The following CDH13 variants were observed in gnomAD, a reference collection of about 807,000 sequenced individuals.
CDH13 encodes cadherin-13.
Under a neutral mutation model 63.8 loss-of-function variants are expected in CDH13, and 24 were observed. That is an observed-to-expected ratio of 0.38 (90% CI 0.27 to 0.53). CDH13 has a LOEUF of 0.53. Ranked by LOEUF, CDH13 falls within the 20% of genes least tolerant of loss-of-function variation. The pLI is 0.85. For synonymous variants in CDH13, 503 were observed against 355.3 expected, an observed-to-expected ratio of 1.42 and a Z score of -4.67; for missense variants, 1,049 against 903.1, an observed-to-expected ratio of 1.16 and a Z score of -2.07.
At chr16:82,738,065 C>T (rs1336961431) in intron 1 of CDH13, among the ~76,000 whole-genome samples, 2 of 152,168 alleles carry the variant, frequency 1.3e-5, no homozygotes, top group Non-Finnish European at 2.9e-5. Flanking sequence ...TACAGCAGAC[C>T]TCTAGAGCTT....
chr16:83,508,747 C>T (rs887782430), intron 7 of CDH13, among the ~76,000 whole-genome samples: 1 of 152,196 alleles, frequency 6.6e-6, no homozygotes, highest in African/African-American at 2.4e-5. Context: ...CTTTCTCCCT[C>T]ACTTGTGCTT....
rs1481951343 is a variant in CDH13 at position 83,084,484 on chromosome 16, TC to T, written c.367-40899del. Among the ~76,000 whole-genome samples, 3 of 152,334 alleles carry T rather than the reference TC, an allele frequency of 2.0e-5. No individual in the cohort carries two copies. The East Asian group carries it at 5.8e-4, about 29-fold the overall frequency. On this transcript the variant is annotated intron_variant, in intron 3 of 13. Coordinates refer to ENST00000567109, the MANE Select transcript of CDH13 (RefSeq NM_001257.5). ...ATCACCTGTCTCTCGAAAACAGTTG[TC>T]CTTTGAACTTTCAAGATTATGGGGA...
intron 5 of CDH13, among the ~76,000 whole-genome samples, chr16:83,234,249 T>G (rs2040083884): frequency 6.6e-6 from 1 of 152,194 alleles, no homozygotes; most frequent in Non-Finnish European, 1.5e-5. Flanking sequence ...AAATGTTACC[T>G]AGGTGCTTTG....
intron 1 of CDH13, among the ~76,000 whole-genome samples, chr16:82,853,967 C>T (rs2039591279): frequency 1.3e-5 from 2 of 152,142 alleles, no homozygotes; most frequent in Non-Finnish European, 2.9e-5. Flanking sequence ...GAGTAATGTC[C>T]AAGTTCTAAT....
At chr16:83,113,091 G>A (rs186634601) in intron 3 of CDH13, among the ~76,000 whole-genome samples, 168 of 152,294 alleles carry the variant, frequency 1.1e-3, no homozygotes, top group Admixed American at 1.9e-3. Context: ...AAAAAGGGAG[G>A]ACTTCCATGC....
At chr16:83,754,991 A>C (rs1913389408) in intron 11 of CDH13, among the ~76,000 whole-genome samples, 1 of 152,176 alleles carries the variant, frequency 6.6e-6, no homozygotes, top group Non-Finnish European at 1.5e-5. Flanking sequence ...AGAAGCAAGA[A>C]TGTGTAAGTG....
intron 6 of CDH13, among the ~76,000 whole-genome samples, chr16:83,448,179 A>G (rs1364865778): frequency 6.6e-6 from 1 of 152,086 alleles, no homozygotes; most frequent in South Asian, 2.1e-4. Context: ...TTTTTTTTTT[A>G]ATCTCATGAT....
chr16:83,762,210 G>T (rs1398721665), intron 11 of CDH13, among the ~76,000 whole-genome samples: 1 of 152,120 alleles, frequency 6.6e-6, no homozygotes, highest in East Asian at 1.9e-4. Context: ...TAATCCTATA[G>T]ATTAATAAGT....
chr16:83,472,927 G>A (rs987127619), intron 6 of CDH13, among the ~76,000 whole-genome samples: 7 of 152,104 alleles, frequency 4.6e-5, no homozygotes, highest in African/African-American at 1.7e-4. Flanking sequence ...GCTTGGAAGA[G>A]GTAATACATC....
intron 1 of CDH13, among the ~76,000 whole-genome samples, chr16:82,813,606 C>T (rs1014092426): frequency 3.3e-5 from 5 of 152,112 alleles, no homozygotes; most frequent in South Asian, 4.1e-4. Context: ...TGTGGCCACT[C>T]GCTGTGTGTC....
At chr16:83,716,736 C>A (rs1423531011) in intron 10 of CDH13, among the ~76,000 whole-genome samples, 1 of 152,208 alleles carries the variant, frequency 6.6e-6, no homozygotes, top group Admixed American at 6.5e-5. Context: ...CCCTCCTCAG[C>A]CTTCCAAAGT....
intron 2 of CDH13, among the ~76,000 whole-genome samples, chr16:82,990,588 C>A (rs1031688880): frequency 6.1e-5 from 9 of 147,390 alleles, no homozygotes; most frequent in African/African-American, 2.3e-4. Context: ...ACTTTATCAT[C>A]CAGGCTGGAG....
In CDH13 at chr16:83,419,175, G is replaced by A. The variant is rs1299296267; in HGVS notation, c.782-67302G>A. Among the ~76,000 whole-genome samples the A allele has an allele frequency of 2.0e-5, 3 of 152,094 alleles. No homozygotes were observed. In the East Asian group the frequency reaches 5.8e-4, roughly 29 times the overall value. ...TTGCTTTTCATGAAATCTGTGACCA[G>A]CTCCATCCCTATCGTGCCCCCTGCC... On this transcript the variant is annotated intron_variant, in intron 6 of 13. Coordinates refer to ENST00000567109, the MANE Select transcript of CDH13 (RefSeq NM_001257.5).
intron 6 of CDH13, among the ~76,000 whole-genome samples, chr16:83,440,803 GC>G (rs1950016887): frequency 7.3e-6 from 1 of 136,474 alleles, no homozygotes; most frequent in African/African-American, 2.7e-5. Flanking sequence ...AAAAAAAAAA[GC>G]GGGGGAGGGA....
chr16:83,030,032 C>A (rs866807513), intron 2 of CDH13, among the ~76,000 whole-genome samples: 1 of 152,086 alleles, frequency 6.6e-6, no homozygotes, highest in East Asian at 1.9e-4. Flanking sequence ...AATTGTGTAC[C>A]ACATGCAGAA....
chr16:83,059,322 C>T lies in CDH13; in HGVS notation c.366+27104C>T, dbSNP rs566677888. ...GAGAGTTGCCTGGGAGCAGGGAGAG[C>T]GGGTGTTAACTGCCTTCTGTTTAGA... On this transcript the variant is annotated intron_variant, in intron 3 of 13. Coordinates refer to ENST00000567109, the MANE Select transcript of CDH13 (RefSeq NM_001257.5). Among the ~76,000 whole-genome samples, 19 of 152,186 alleles carry T rather than the reference C, an allele frequency of 1.2e-4. 1 individual carries two copies. Among genetic ancestry groups the T allele is most frequent in the South Asian group, 4.1e-4 (2 of 4,826 alleles).
At chr16:83,235,858 C>G (rs1394553844) in intron 5 of CDH13, among the ~76,000 whole-genome samples, 2 of 151,934 alleles carry the variant, frequency 1.3e-5, no homozygotes, top group African/African-American at 4.8e-5. Flanking sequence ...TTTTTTGTCA[C>G]TCACTGCATT....
chr16:83,273,400 T>C (rs1407211440), intron 5 of CDH13, among the ~76,000 whole-genome samples: 1 of 152,020 alleles, frequency 6.6e-6, no homozygotes, highest in Non-Finnish European at 1.5e-5. Context: ...GAGTGAGTAC[T>C]CATAGACATA....
chr16:83,794,791 T>C lies in CDH13; in HGVS notation c.2135-232T>C, dbSNP rs1904274506. Among the ~76,000 whole-genome samples, 7 of 152,298 alleles carry C rather than the reference T, an allele frequency of 4.6e-5. No individual in the cohort carries two copies. The South Asian group carries it at 1.5e-3, about 32-fold the overall frequency. On this transcript the variant is annotated intron_variant, in intron 13 of 13. Transcript: ENST00000567109. ...ATAGCAGCTCTCGGTCTGAGCGATG[T>C]TTGGCATCTGAAGTCACCATTAGCA...
Sources: allele counts gnomAD v4.1 joint callset (sites outside exome capture counted in the v4.1 genomes callset), GRCh38; gene constraint gnomAD v4.1.1; transcripts MANE v1.5; gene names NCBI Gene and HGNC (gene_info 2026-07-23, HGNC 2026-07-21).